Variants in LURAP1L observed in about 807,000 individuals in gnomAD.
The protein encoded by LURAP1L is leucine rich adaptor protein 1-like.
A neutral mutation model predicts 13.8 loss-of-function variants in LURAP1L; 12 were observed. The observed-to-expected ratio is 0.87, with a 90% confidence interval of 0.56 to 1.41. LURAP1L has a LOEUF of 1.41. Ranked by LOEUF, LURAP1L falls within the 40% of genes most tolerant of loss-of-function variation. The pLI is 0.00. For synonymous variants in LURAP1L, 139 were observed against 119.2 expected, an observed-to-expected ratio of 1.17 and a Z score of -1.08; for missense variants, 375 against 292.9, an observed-to-expected ratio of 1.28 and a Z score of -2.04.
chr9:12,820,445 G>T (rs1480095780), intron 1 of LURAP1L, among the ~76,000 whole-genome samples: 1 of 143,810 alleles, frequency 7.0e-6, no homozygotes, highest in Non-Finnish European at 1.5e-5. Flanking sequence ...GGAGCTTGCA[G>T]TGAGCCGAGA....
rs563625812 is a variant in LURAP1L, at chr9:12,810,819, C to A, written c.313-10567C>A. ...CTTACAGCTAGTGAAACTCTCCCAT[C>A]TGGAGAGTCCCACCCAAAAGTTTCC... On this transcript the variant is annotated intron_variant, in intron 1 of 1. Coordinates refer to ENST00000319264, the MANE Select transcript of LURAP1L (RefSeq NM_203403.2). Among the ~76,000 whole-genome samples the A allele has an allele frequency of 1.9e-4, 29 of 152,290 alleles. 1 individual carries two copies. The South Asian group carries it at 5.6e-3, about 29-fold the overall frequency.
At chr9:12,782,101 T>G (rs577829088) in intron 1 of LURAP1L, among the ~76,000 whole-genome samples, 1 of 152,336 alleles carries the variant, frequency 6.6e-6, no homozygotes, top group African/African-American at 2.4e-5. Flanking sequence ...TTTAATCAGA[T>G]TATTAGACAT....
chr9:12,777,398 A>G, intron 1 of LURAP1L: 1 of 985,152 alleles, frequency 1.0e-6, no homozygotes, highest in Non-Finnish European at 1.2e-6. Flanking sequence ...ATTTTCCACA[A>G]GAAAATTTCT....
intron 1 of LURAP1L, among the ~76,000 whole-genome samples, chr9:12,818,738 C>T (rs1013729750): frequency 6.6e-6 from 1 of 152,132 alleles, no homozygotes; most frequent in African/African-American, 2.4e-5. Flanking sequence ...GACAGAGGAG[C>T]ATGCCCAGAG....
rs553432902 is a variant in LURAP1L at position 12,791,179 on chromosome 9, G to A, written c.312+15152G>A. Among the ~76,000 whole-genome samples the A allele has an allele frequency of 8.5e-5, 13 of 152,220 alleles. No homozygotes were observed. The East Asian group carries it at 2.1e-3, about 25-fold the overall frequency. ...AGATGGATGAATGGAATGAGGAAGA[G>A]TAGGTTTCTTGAGTGTTCATTATAG... On this transcript the variant is annotated intron_variant, in intron 1 of 1. Transcript: ENST00000319264.
chr9:12,787,468 G>T (rs1235079555), intron 1 of LURAP1L, among the ~76,000 whole-genome samples: 1 of 152,110 alleles, frequency 6.6e-6, no homozygotes, highest in Non-Finnish European at 1.5e-5. Flanking sequence ...TGCAGCTGAT[G>T]AGGCAAAAAG....
At chr9:12,793,082 C>A (rs1007106762) in intron 1 of LURAP1L, among the ~76,000 whole-genome samples, 7 of 151,868 alleles carry the variant, frequency 4.6e-5, no homozygotes, top group African/African-American at 1.7e-4. Flanking sequence ...GCTGATTAAC[C>A]CAGATTGCAT....
At chr9:12,814,078 G>A (rs1180681167) in intron 1 of LURAP1L, among the ~76,000 whole-genome samples, 1 of 152,098 alleles carries the variant, frequency 6.6e-6, no homozygotes, top group Non-Finnish European at 1.5e-5. Context: ...ATTATATTTT[G>A]TAGTATATAT....
At chr9:12,784,932 C>T (rs1246791013) in intron 1 of LURAP1L, among the ~76,000 whole-genome samples, 2 of 151,930 alleles carry the variant, frequency 1.3e-5, no homozygotes, top group Non-Finnish European at 2.9e-5. Flanking sequence ...AATTCTGAGT[C>T]AAAGTCTTTT....
In LURAP1L at chr9:12,798,014, A is replaced by G. The variant is rs182158881; in HGVS notation, c.312+21987A>G. On this transcript the variant is annotated intron_variant, in intron 1 of 1. Coordinates refer to ENST00000319264, the MANE Select transcript of LURAP1L (RefSeq NM_203403.2). ...TTAGATGCTAGTTCATGGGGCAAGCATTTGATCTTAAGATATCTCTGCAGT... is the reference window on the plus strand; with the variant it reads ...TTAGATGCTAGTTCATGGGGCAAGCGTTTGATCTTAAGATATCTCTGCAGT... Among the ~76,000 whole-genome samples, 229 of 152,286 alleles carry G rather than the reference A, an allele frequency of 1.5e-3. 1 individual carries two copies. The highest frequency in any genetic ancestry group is 5.4e-3 in the African/African-American group (224 of 41,566).
At chr9:12,783,814 A>C (rs1165861255) in intron 1 of LURAP1L, among the ~76,000 whole-genome samples, 1 of 144,646 alleles carries the variant, frequency 6.9e-6, no homozygotes, top group South Asian at 2.2e-4. Flanking sequence ...CAATGAAGCT[A>C]TGAGGTCCTG....
intron 1 of LURAP1L, among the ~76,000 whole-genome samples, chr9:12,800,892 G>T (rs1443323382): frequency 6.6e-6 from 1 of 152,128 alleles, no homozygotes; most frequent in Non-Finnish European, 1.5e-5. Context: ...TTAGTAACCG[G>T]CAGCACAGCA....
At chr9:12,799,695 A>G (rs1175873461) in intron 1 of LURAP1L, among the ~76,000 whole-genome samples, 1 of 152,116 alleles carries the variant, frequency 6.6e-6, no homozygotes, top group Non-Finnish European at 1.5e-5. Flanking sequence ...TGTGGCTAAC[A>G]TGGTGAAACC....
chr9:12,811,848 C>A (rs745552223), intron 1 of LURAP1L, among the ~76,000 whole-genome samples: 3 of 152,162 alleles, frequency 2.0e-5, no homozygotes, highest in East Asian at 3.9e-4. Flanking sequence ...GCCCCTGGAT[C>A]GGGGTCTCTC....
chr9:12,801,240 C>A (rs1282264859), intron 1 of LURAP1L, among the ~76,000 whole-genome samples: 1 of 151,852 alleles, frequency 6.6e-6, no homozygotes, highest in African/African-American at 2.4e-5. Context: ...TCTCCACAAG[C>A]TATAACTAAT....
At chr9:12,785,449 C>T (rs1819337252) in intron 1 of LURAP1L, among the ~76,000 whole-genome samples, 1 of 152,080 alleles carries the variant, frequency 6.6e-6, no homozygotes, top group South Asian at 2.1e-4. Context: ...AACTTTCCTC[C>T]TTGAAAGGCC....
intron 1 of LURAP1L, among the ~76,000 whole-genome samples, chr9:12,779,778 C>G (rs1386643919): frequency 6.6e-6 from 1 of 152,126 alleles, no homozygotes; most frequent in East Asian, 1.9e-4. Context: ...ATGAATATTT[C>G]TATTCTTCTC....
intron 1 of LURAP1L, among the ~76,000 whole-genome samples, chr9:12,781,096 C>T (rs963846903): frequency 1.3e-5 from 2 of 152,170 alleles, no homozygotes; most frequent in African/African-American, 4.8e-5. Flanking sequence ...CTCAGCCTCC[C>T]GAGTAGCTGG....
intron 1 of LURAP1L, among the ~76,000 whole-genome samples, chr9:12,811,076 G>A (rs1001705625): frequency 6.6e-6 from 1 of 152,062 alleles, no homozygotes. Context: ...ACTCCTAGAA[G>A]GAAACTCAAT....
Sources: gnomAD v4.1 joint callset for allele counts (sites outside exome capture counted in the v4.1 genomes callset) on GRCh38, gnomAD v4.1.1 for gene constraint, MANE v1.5 for transcripts, NCBI Gene and HGNC (gene_info 2026-07-23, HGNC 2026-07-21) for gene names.